The following COL21A1 variants were observed in gnomAD, a reference collection of about 807,000 sequenced individuals.
The protein encoded by COL21A1 is collagen alpha-1(XXI) chain.
Under a neutral mutation model 137.9 loss-of-function variants are expected in COL21A1, and 149 were observed. That is an observed-to-expected ratio of 1.08 (90% CI 0.95 to 1.24). The LOEUF (loss-of-function observed/expected upper bound fraction) is 1.24. COL21A1 is among the 50% of genes most tolerant of loss of function. The probability of loss-of-function intolerance (pLI) is 0.00; values close to 1 mark genes in which losing one functional copy is unlikely to be tolerated. For missense variants in COL21A1, 1,167 were observed against 1,158.4 expected (o/e 1.01, Z -0.11); for synonymous variants, 456 against 391.5 (o/e 1.16, Z -1.95).
At position 56,262,903 on chromosome 6, in the gene COL21A1, G is replaced by A. The variant is rs558109727; in HGVS notation, c.-38-80247C>T. Among the ~76,000 whole-genome samples, 7 of 152,252 alleles carry A rather than the reference G, an allele frequency of 4.6e-5. No homozygotes were observed. The South Asian group carries it at 1.5e-3, about 32-fold the overall frequency. ...GAAAGCAAGGTGAGGACACAGACCT[G>A]GTGTGCTACAGCAACCAAATTCAGA... On this transcript the variant is annotated intron_variant, in intron 1 of 28. Coordinates refer to the COL21A1 transcript ENST00000370819.
intron 9 of COL21A1, 122 bp from the exon 10 acceptor site, chr6:56,157,071 G>GGAA: frequency 7.4e-6 from 2 of 269,386 alleles, no homozygotes; most frequent in South Asian, 7.4e-5. Context: ...AAAAACAAAA[G>GGAA]TAAAAAAAAA....
At chr6:56,146,439 T>C (rs964895226) in intron 10 of COL21A1, among the ~76,000 whole-genome samples, 5 of 152,160 alleles carry the variant, frequency 3.3e-5, no homozygotes, top group African/African-American at 9.6e-5. Flanking sequence ...ATAACTAATA[T>C]AGAAACTAGT....
intron 1 of COL21A1, among the ~76,000 whole-genome samples, chr6:56,202,989 T>G (rs1213309226): frequency 6.6e-6 from 1 of 152,196 alleles, no homozygotes; most frequent in East Asian, 1.9e-4. Flanking sequence ...AAATGCAGCC[T>G]TTTTCTCTAG....
At chr6:56,100,772 G>T (rs900825258) in intron 17 of COL21A1, among the ~76,000 whole-genome samples, 1 of 152,082 alleles carries the variant, frequency 6.6e-6, no homozygotes, top group Non-Finnish European at 1.5e-5. Flanking sequence ...AGAAGCTTTG[G>T]TGATACCTCT....
intron 24 of COL21A1, among the ~76,000 whole-genome samples, chr6:56,062,466 T>G (rs1359048851): frequency 1.3e-5 from 2 of 152,116 alleles, no homozygotes; most frequent in Non-Finnish European, 2.9e-5. Context: ...GGCTCAAAAA[T>G]CTCCTAATAT....
At chr6:56,339,176 G>C (rs968754261) in intron 1 of COL21A1, among the ~76,000 whole-genome samples, 3 of 152,098 alleles carry the variant, frequency 2.0e-5, no homozygotes, top group Non-Finnish European at 4.4e-5. Flanking sequence ...CCCAGACCTG[G>C]CTCCAAAGCC....
chr6:56,242,057 T>C (rs1202617869), intron 1 of COL21A1, among the ~76,000 whole-genome samples: 3 of 152,156 alleles, frequency 2.0e-5, no homozygotes, highest in East Asian at 3.9e-4. Flanking sequence ...TAACAAGGAA[T>C]GTTCCTCCCT....
upstream of COL21A1, among the ~76,000 whole-genome samples, chr6:56,252,357 C>T (rs1393408692): frequency 1.3e-5 from 2 of 152,152 alleles, no homozygotes; most frequent in Admixed American, 6.5e-5. Flanking sequence ...TGTTAAGCTC[C>T]GTAACTTAAC....
rs560128738 is a variant in COL21A1 at position 56,101,483 on chromosome 6, G to C, written c.1801C>G (p.Arg601Gly). 6.3e-7 allele frequency: 1 copy of C among 1,594,888 alleles called. No individual in the cohort carries two copies. The highest frequency in any genetic ancestry group is 1.3e-5 in the African/African-American group (1 of 74,698). ...GAGAAGGTACTCACAGGCTCTCCCC[G>C]TGTTCCATCCTGCCCCGGAGCACCA... Reference protein sequence around the residue: ...SPGAPGQDGTRGEPGIPGFPG... With the variant: ...SPGAPGQDGTGGEPGIPGFPG... The change falls in exon 17 of 30, where the codon CGG becomes GGG. Residue 601 changes from arginine to glycine, a missense_variant. Coordinates refer to ENST00000244728, the MANE Select transcript of COL21A1 (RefSeq NM_030820.4).
chr6:56,380,613 A>T (rs2094007216), intron 1 of COL21A1, among the ~76,000 whole-genome samples: 1 of 151,868 alleles, frequency 6.6e-6, no homozygotes. Context: ...AAACAAGGTG[A>T]CTCTCTGCCT....
intron 1 of COL21A1, among the ~76,000 whole-genome samples, chr6:56,266,518 A>G (rs1173902495): frequency 6.6e-6 from 1 of 152,216 alleles, no homozygotes; most frequent in Non-Finnish European, 1.5e-5. Flanking sequence ...AGCTTAAAAT[A>G]TTTACTACTT....
Position 56,301,118 on chromosome 6 carries a change from T to G in COL21A1, c.-39+92853A>C, listed in dbSNP as rs146373554. ...AAGCAGAATAATGGTTTCCCAAAGA[T>G]GTCCACATCCTAATCTCTGGAACCT... On this transcript the variant is annotated intron_variant, in intron 1 of 28. Transcript: ENST00000370819. Among the ~76,000 whole-genome samples, 543 of 152,288 alleles carry G rather than the reference T, an allele frequency of 3.6e-3. 6 individuals are homozygous for G. The highest frequency in any genetic ancestry group is 0.012 in the African/African-American group (519 of 41,570).
At chr6:56,322,901 A>AG (rs70986802) in intron 1 of COL21A1, among the ~76,000 whole-genome samples, 1 of 144,256 alleles carries the variant, frequency 6.9e-6, no homozygotes, top group Admixed American at 6.8e-5. Context: ...AAAAAAAAAA[A>AG]GTCAAGTCAT....
intron 1 of COL21A1, among the ~76,000 whole-genome samples, chr6:56,264,686 A>T (rs1264199048): frequency 5.3e-5 from 8 of 152,238 alleles, no homozygotes; most frequent in African/African-American, 1.9e-4. Context: ...TGAATTTATT[A>T]TGCATATACC....
intron 24 of COL21A1, among the ~76,000 whole-genome samples, chr6:56,063,653 T>A (rs1201988985): frequency 6.6e-6 from 1 of 152,090 alleles, no homozygotes; most frequent in African/African-American, 2.4e-5. Context: ...TCCCCTTCCA[T>A]CCCACGTTGC....
intron 7 of COL21A1, 95 bp downstream of exon 7, chr6:56,166,811 A>G (rs1415116317): frequency 3.3e-6 from 3 of 902,304 alleles, no homozygotes; most frequent in East Asian, 5.3e-5. Context: ...TTAAGTCTAC[A>G]TATTAAATTA....
intron 12 of COL21A1, chr6:56,126,390 A>C (rs1773051580): frequency 2.5e-6 from 1 of 398,362 alleles, no homozygotes; most frequent in African/African-American, 2.1e-5. Flanking sequence ...TCCTGACTCC[A>C]CCCTTAGTTA....
intron 1 of COL21A1, among the ~76,000 whole-genome samples, chr6:56,345,371 C>G (rs1404380936): frequency 1.3e-5 from 2 of 148,644 alleles, no homozygotes; most frequent in Non-Finnish European, 3.0e-5. Context: ...CTATCATATA[C>G]CAAGTGCCCA....
intron 1 of COL21A1, among the ~76,000 whole-genome samples, chr6:56,301,652 T>C (rs550699747): frequency 2.0e-5 from 3 of 152,150 alleles, no homozygotes; most frequent in African/African-American, 7.2e-5. Context: ...CCTTTAGATA[T>C]GTACTGTCCA....
Sources: allele counts gnomAD v4.1 joint callset (sites outside exome capture counted in the v4.1 genomes callset), GRCh38; gene constraint gnomAD v4.1.1; transcripts MANE v1.5; gene names NCBI Gene and HGNC (gene_info 2026-07-23, HGNC 2026-07-21).